ITGA8: variants seen among roughly 807,000 people sequenced by gnomAD.
The protein encoded by ITGA8 is integrin subunit alpha 8.
A neutral mutation model predicts 142.3 loss-of-function variants in ITGA8; 91 were observed. The ratio of observed to expected loss-of-function variants is 0.64; its 90% confidence interval spans 0.54 to 0.76. The LOEUF is 0.76. Ranked by LOEUF, ITGA8 falls within the 30% of genes least tolerant of loss-of-function variation. The pLI, the probability that ITGA8 is intolerant of heterozygous loss-of-function variation, is 0.00. For synonymous variants in ITGA8, 505 were observed against 485.2 expected (o/e 1.04, Z -0.54); for missense variants, 1,406 against 1,327.7 (o/e 1.06, Z -0.92).
Position 15,537,380 on chromosome 10 carries a change from T to A in ITGA8, c.2881-6229A>T, listed in dbSNP as rs147759886. ...CAGAAATTTGGGCTAAGGATGTGGG[T>A]GAGCACACAGCGAATTGTACCCGTC... On this transcript the variant is annotated intron_variant, in intron 27 of 29. Coordinates refer to ENST00000378076, the MANE Select transcript of ITGA8 (RefSeq NM_003638.3). 9.2e-5 allele frequency among the ~76,000 whole-genome samples: 14 copies of A among 152,344 alleles called. No homozygotes were observed. In the East Asian group the frequency reaches 1.7e-3, roughly 19 times the overall value.
intron 8 of ITGA8, among the ~76,000 whole-genome samples, chr10:15,666,175 G>T (rs1347590563): frequency 6.6e-6 from 1 of 152,100 alleles, no homozygotes; most frequent in Non-Finnish European, 1.5e-5. Flanking sequence ...CCATTTGTTT[G>T]TATCCTCTTT....
rs550350748 is a variant in ITGA8, at chr10:15,572,114, A to G, written c.2637+97T>C. On this transcript the variant is annotated intron_variant, in intron 25 of 29. Transcript: ENST00000378076. The stretch of plus-strand genomic sequence containing the variant: ...TCAATGATCACTGAAGCAACTTAAA[A>G]CGATTTCACTCTTCTTTTTTAAACA... 4 of 1,074,720 alleles carry G rather than the reference A, an allele frequency of 3.7e-6. No individual in the cohort carries two copies. In the South Asian group the frequency reaches 8.3e-5, roughly 22 times the overall value. The allele number at this position is 1,074,720 out of a possible 1,614,324, so 66.6% of individuals were successfully genotyped here. A position where few individuals can be genotyped will look rare whatever the true frequency, so the allele number is the denominator to read the frequency against.
Position 15,662,692 on chromosome 10 carries a change from G to C in ITGA8, c.848-1770C>G, listed in dbSNP as rs549024180. On this transcript the variant is annotated intron_variant, in intron 8 of 29. Coordinates refer to ENST00000378076, the MANE Select transcript of ITGA8 (RefSeq NM_003638.3). Reference sequence around the variant, plus strand: ...GGAAAAATTTAGATCCTTGACCTAGGAACACATGACTTGAGTAGCATCCTG... The same window carrying C: ...GGAAAAATTTAGATCCTTGACCTAGCAACACATGACTTGAGTAGCATCCTG... 1.4e-4 allele frequency among the ~76,000 whole-genome samples: 22 copies of C among 152,166 alleles called. No homozygotes were observed. The East Asian group carries it at 3.9e-3, about 27-fold the overall frequency.
intron 23 of ITGA8, among the ~76,000 whole-genome samples, chr10:15,585,906 GC>G: frequency 6.6e-6 from 1 of 152,204 alleles, no homozygotes; most frequent in East Asian, 1.9e-4. Context: ...GTGTGGTAAG[GC>G]TAAAAAGTCA....
Position 15,575,528 on chromosome 10 carries a change from T to C in ITGA8, c.2439A>G (p.Lys813=). ...HNWEPEEEPH[K]EEEVGPLVEH... is the part of the protein sequence containing the mutation. ...CCACCAATGGTCCAACCTCCTCCTC[T>C]TTGTGGGGCTCCTCTTCTGGTTCCC... The change falls in exon 24 of 30, where the codon AAA becomes AAG. Residue 813 remains lysine (K), a synonymous_variant. Coordinates refer to ENST00000378076, the MANE Select transcript of ITGA8 (RefSeq NM_003638.3). The C allele has an allele frequency of 1.2e-6, 2 of 1,614,062 alleles. No homozygotes were observed. Among genetic ancestry groups the C allele is most frequent in the Non-Finnish European group, 1.7e-6 (2 of 1,179,940 alleles).
Position 15,586,926 on chromosome 10 carries a change from CT to C in ITGA8, c.2292-263del, listed in dbSNP as rs59409474. Among the ~76,000 whole-genome samples, 1,383 of 143,988 alleles carry C rather than the reference CT, an allele frequency of 9.6e-3. 6 individuals carry two copies. The highest frequency in any genetic ancestry group is 0.012 in the Non-Finnish European group (762 of 65,176). The allele number at this position is 143,988 out of a possible 152,430, so 94.5% of individuals were successfully genotyped here. ...CAATAGATATCTAAAGAAACTAACA[CT>C]TTTTTTTTTTTTTTGAGACGGAGTC... On this transcript the variant is annotated intron_variant, in intron 22 of 29. Coordinates refer to ENST00000378076, the MANE Select transcript of ITGA8 (RefSeq NM_003638.3).
rs1030598369 is a variant in ITGA8, at chr10:15,515,080, A to G, written c.*2078T>C. 1 of 152,264 alleles carries G rather than the reference A, an allele frequency of 6.6e-6. No individual in the cohort carries two copies. The highest frequency in any genetic ancestry group is 2.4e-5 in the African/African-American group (1 of 41,510). 9.4% of individuals were successfully genotyped at this position (152,264 alleles called of 1,614,324 possible). On this transcript the variant is annotated 3_prime_UTR_variant, in exon 30 of 30. Coordinates refer to ENST00000378076, the MANE Select transcript of ITGA8 (RefSeq NM_003638.3). ...CCCAAATCCCAAGGAGCTAATCTCT[A>G]TTGGTCACAGATCAGCCAGGATCAC...
chr10:15,589,448 T>G (rs933193783), intron 22 of ITGA8, among the ~76,000 whole-genome samples: 1 of 149,796 alleles, frequency 6.7e-6, no homozygotes, highest in Admixed American at 6.6e-5. Flanking sequence ...AGAGACCGCT[T>G]AATGCAAATA....
At chr10:15,572,708 C>G (rs1327891924) in intron 24 of ITGA8, among the ~76,000 whole-genome samples, 1 of 152,130 alleles carries the variant, frequency 6.6e-6, no homozygotes, top group Non-Finnish European at 1.5e-5. Flanking sequence ...TGATTTTATG[C>G]CTTCAAAACT....
At chr10:15,694,547 ATATAT>A (rs1427354248) in intron 2 of ITGA8, among the ~76,000 whole-genome samples, 59 of 138,934 alleles carry the variant, frequency 4.2e-4, no homozygotes, top group African/African-American at 1.1e-3. Flanking sequence ...AATGTATCTA[ATATAT>A]TATAGAGTTA....
intron 15 of ITGA8, among the ~76,000 whole-genome samples, chr10:15,612,398 A>T (rs1588674910): frequency 6.6e-6 from 1 of 152,334 alleles, no homozygotes; most frequent in East Asian, 1.9e-4. Flanking sequence ...ATTCTCAGAA[A>T]CCAAAAATAC....
intron 27 of ITGA8, among the ~76,000 whole-genome samples, chr10:15,544,712 C>G (rs1023015069): frequency 2.0e-5 from 3 of 152,134 alleles, no homozygotes; most frequent in Non-Finnish European, 2.9e-5. Flanking sequence ...GTATTCACAC[C>G]CTTGTGTGGG....
At chr10:15,679,927 T>A (rs1834704055) in intron 4 of ITGA8, among the ~76,000 whole-genome samples, 1 of 152,158 alleles carries the variant, frequency 6.6e-6, no homozygotes, top group Admixed American at 6.5e-5. Context: ...CAAAATGTAG[T>A]GAATTAAGTA....
At chr10:15,717,184 G>A (rs1427425392) in intron 2 of ITGA8, among the ~76,000 whole-genome samples, 2 of 152,128 alleles carry the variant, frequency 1.3e-5, no homozygotes, top group Non-Finnish European at 2.9e-5. Context: ...TTGATGTTAT[G>A]AGACTATACA....
chr10:15,672,063 A>G (rs45600233), intron 7 of ITGA8, among the ~76,000 whole-genome samples: 16,489 of 152,224 alleles, frequency 0.11, 968 homozygotes, highest in African/African-American at 0.14. Flanking sequence ...TCTGGTCACC[A>G]GTAAGACCTA....
intron 2 of ITGA8, among the ~76,000 whole-genome samples, chr10:15,717,835 G>C (rs140572255): frequency 6.6e-6 from 1 of 152,274 alleles, no homozygotes; most frequent in East Asian, 1.9e-4. Flanking sequence ...GAAATTCTGT[G>C]AAAATATTCC....
At position 15,651,453 on chromosome 10, in the gene ITGA8, C is replaced by T. The variant is rs991173122; in HGVS notation, c.1001+3901G>A. The stretch of plus-strand genomic sequence containing the variant: ...TCTAAATGTTTGCAGTCCACTCAAT[C>T]GTACTTGGAGATTTTTCTTAACAGA... On this transcript the variant is annotated intron_variant, in intron 11 of 29. Transcript: ENST00000378076. 2.6e-5 allele frequency among the ~76,000 whole-genome samples: 4 copies of T among 151,980 alleles called. No homozygotes were observed. The East Asian group carries it at 5.8e-4, about 22-fold the overall frequency.
intron 8 of ITGA8, among the ~76,000 whole-genome samples, chr10:15,663,705 C>T (rs1834333180): frequency 6.6e-6 from 1 of 151,990 alleles, no homozygotes; most frequent in Non-Finnish European, 1.5e-5. Context: ...GCCTCTTAAG[C>T]TGGGACTACA....
At chr10:15,612,638 C>T (rs140371795) in intron 15 of ITGA8, among the ~76,000 whole-genome samples, 160 of 152,322 alleles carry the variant, frequency 1.1e-3, no homozygotes, top group African/African-American at 3.6e-3. Flanking sequence ...GGAACACTTT[C>T]AGGAGTCATA....
Sources: allele counts gnomAD v4.1 joint callset (sites outside exome capture counted in the v4.1 genomes callset), GRCh38; gene constraint gnomAD v4.1.1; transcripts MANE v1.5; gene names NCBI Gene and HGNC (gene_info 2026-07-23, HGNC 2026-07-21).